The following EFCAB13 variants were observed in gnomAD, a reference collection of about 807,000 sequenced individuals.
EFCAB13 encodes the protein EF-hand calcium-binding domain-containing protein 13.
In EFCAB13, 91 loss-of-function variants were observed where a neutral mutation model predicts 110.2. That is an observed-to-expected ratio of 0.83 (90% CI 0.70 to 0.98). EFCAB13 has a LOEUF of 0.98. Ranked by LOEUF, EFCAB13 falls within the 50% of genes least tolerant of loss-of-function variation. EFCAB13 has a pLI of 0.00. For synonymous variants in EFCAB13, 323 were observed against 369.9 expected (o/e 0.87, Z 1.45); for missense variants, 968 against 1,119.4 (o/e 0.86, Z 1.93).
At chr17:47,419,371 C>T (rs985003609) in intron 23 of EFCAB13, among the ~76,000 whole-genome samples, 1 of 152,026 alleles carries the variant, frequency 6.6e-6, no homozygotes, top group Non-Finnish European at 1.5e-5. Flanking sequence ...TCGTTTGAGG[C>T]CAGGAATTTG....
At chr17:47,332,954 C>T (rs1380157613) in intron 4 of EFCAB13, among the ~76,000 whole-genome samples, 3 of 152,076 alleles carry the variant, frequency 2.0e-5, no homozygotes, top group Admixed American at 6.5e-5. Context: ...CTGGATCACA[C>T]GGTAATTCTG....
chr17:47,324,829 C>T (rs372368292), intron 2 of EFCAB13, among the ~76,000 whole-genome samples: 40 of 150,958 alleles, frequency 2.6e-4, no homozygotes, highest in Middle Eastern at 3.4e-3. Context: ...CCTTATTTCT[C>T]TTAACAACGT....
At chr17:47,350,877 T>C (rs1297072531) in intron 9 of EFCAB13, among the ~76,000 whole-genome samples, 2 of 152,312 alleles carry the variant, frequency 1.3e-5, no homozygotes, top group Admixed American at 6.5e-5. Context: ...TTAGGCGATA[T>C]CAAGTTCTTA....
Position 47,429,959 on chromosome 17 carries a change from A to G in EFCAB13, c.2636A>G (p.His879Arg), listed in dbSNP as rs150782686. 12 of 1,601,414 alleles carry G rather than the reference A, an allele frequency of 7.5e-6. No individual in the cohort carries two copies. The highest frequency in any genetic ancestry group is 2.2e-5 in the East Asian group (1 of 44,534). Residue 879 changes from histidine (H) to arginine (R), a missense_variant and splice_region_variant, in exon 24 of 25, where the codon CAT becomes CGT. By Grantham distance (29) the His-to-Arg change is conservative (BLOSUM62 0). Coordinates refer to ENST00000331493, the MANE Select transcript of EFCAB13 (RefSeq NM_152347.5). ...LTVMLRHVPE[H>R]ESGKVSIQEF... ...GTAATGTTAAGACATGTACCTGAAC[A>G]TGGTTAGTAGTTTCAATGCGTCTAT...
At chr17:47,328,139 G>A (rs187406778) in intron 3 of EFCAB13, 130 bp from the exon 4 acceptor site, 1 of 541,562 alleles carries the variant, frequency 1.8e-6, no homozygotes, top group East Asian at 3.1e-5. Context: ...CCACATATCT[G>A]TGTTGGTGAA....
intron 14 of EFCAB13, among the ~76,000 whole-genome samples, chr17:47,384,681 T>C (rs1223702654): frequency 6.6e-6 from 1 of 152,174 alleles, no homozygotes; most frequent in Non-Finnish European, 1.5e-5. Context: ...CACTCTCTTT[T>C]GGCTTGTAGG....
intron 4 of EFCAB13, among the ~76,000 whole-genome samples, chr17:47,334,473 G>A (rs929392579): frequency 6.6e-6 from 1 of 152,078 alleles, no homozygotes; most frequent in African/African-American, 2.4e-5. Flanking sequence ...TTAACTTATC[G>A]ATTATTTCTT....
chr17:47,328,865 T>C (rs1384642728), intron 4 of EFCAB13: 1 of 152,506 alleles, frequency 6.6e-6, no homozygotes. Flanking sequence ...AATCTGGACT[T>C]AGTAAGCAGA....
chr17:47,361,167 G>T (rs1290247696), intron 9 of EFCAB13, among the ~76,000 whole-genome samples: 1 of 152,074 alleles, frequency 6.6e-6, no homozygotes, highest in East Asian at 1.9e-4. Context: ...GTTAACATAA[G>T]AATATGAAAT....
chr17:47,396,817 G>A (rs2065740915), intron 17 of EFCAB13, among the ~76,000 whole-genome samples: 1 of 152,126 alleles, frequency 6.6e-6, no homozygotes, highest in East Asian at 1.9e-4. Context: ...GGTGAAAAGG[G>A]TTGATGAAAA....
intron 10 of EFCAB13, among the ~76,000 whole-genome samples, chr17:47,361,861 A>C (rs1030756032): frequency 1.3e-5 from 2 of 152,176 alleles, no homozygotes; most frequent in African/African-American, 4.8e-5. Flanking sequence ...AAGTTAGAAG[A>C]CCTAAATTTC....
At chr17:47,330,202 G>A (rs1033675619) in intron 4 of EFCAB13, among the ~76,000 whole-genome samples, 2 of 151,048 alleles carry the variant, frequency 1.3e-5, no homozygotes, top group Admixed American at 6.6e-5. Context: ...TTCTTTTTGG[G>A]GGGGTGGGGA....
chr17:47,422,767 T>G (rs1008681555), intron 23 of EFCAB13, among the ~76,000 whole-genome samples: 1 of 152,180 alleles, frequency 6.6e-6, no homozygotes, highest in African/African-American at 2.4e-5. Flanking sequence ...AATGGAGAGA[T>G]ATATTATGTT....
Position 47,440,944 on chromosome 17 carries a change from T to C in EFCAB13, c.*230T>C, listed in dbSNP as rs1905310798. ...GTACATATGGCAAAATTCACTCTTT[T>C]TAGGTATACAGTTCTTTGGATTCTT... is the stretch of plus-strand genomic sequence containing the variant. On this transcript the variant is annotated 3_prime_UTR_variant, in exon 25 of 25. Transcript: ENST00000331493. The C allele has an allele frequency of 6.0e-6, 2 of 335,520 alleles. No individual in the cohort carries two copies. The highest frequency in any genetic ancestry group is 2.1e-5 in the African/African-American group (1 of 46,708). 20.8% of individuals were successfully genotyped at this position (335,520 alleles called of 1,614,324 possible).
chr17:47,354,628 T>G (rs2065470415), intron 9 of EFCAB13, among the ~76,000 whole-genome samples: 1 of 152,230 alleles, frequency 6.6e-6, no homozygotes, highest in African/African-American at 2.4e-5. Context: ...TGTCCCTCTT[T>G]GCCTTTTTAA....
intron 22 of EFCAB13, among the ~76,000 whole-genome samples, chr17:47,414,277 G>A (rs753339201): frequency 3.3e-5 from 5 of 152,072 alleles, no homozygotes; most frequent in Non-Finnish European, 7.4e-5. Flanking sequence ...GTGTGTACAT[G>A]TACATGTGCA....
chr17:47,371,967 T>G lies in EFCAB13; in HGVS notation c.877+1459T>G, dbSNP rs139860193. ...TGGTTGCTGTATTAGTCTTTTCTCA[T>G]GCTGCTAATAAAGACATACCCGAGA... On this transcript the variant is annotated intron_variant, in intron 11 of 24. Transcript: ENST00000331493. Among the ~76,000 whole-genome samples the G allele has an allele frequency of 3.4e-3, 513 of 152,284 alleles. 18 individuals carry two copies. The East Asian group carries it at 0.065, about 19-fold the overall frequency.
chr17:47,396,817 G>T (rs2065740915), intron 17 of EFCAB13, among the ~76,000 whole-genome samples: 1 of 152,008 alleles, frequency 6.6e-6, no homozygotes, highest in African/African-American at 2.4e-5. Context: ...GGTGAAAAGG[G>T]TTGATGAAAA....
At chr17:47,430,742 T>C (rs1237110445) in intron 24 of EFCAB13, 3 of 152,158 alleles carry the variant, frequency 2.0e-5, no homozygotes, top group Non-Finnish European at 4.4e-5. Flanking sequence ...ATTTTAATTC[T>C]CAAAATTAGT....
Sources: gnomAD v4.1 joint callset for allele counts (sites outside exome capture counted in the v4.1 genomes callset) on GRCh38, gnomAD v4.1.1 for gene constraint, MANE v1.5 for transcripts, NCBI Gene and HGNC (gene_info 2026-07-23, HGNC 2026-07-21) for gene names.